ZNF385A: variants seen among roughly 807,000 people sequenced by gnomAD.
ZNF385A encodes the protein zinc finger protein 385A, also known as hematopoietic zinc finger protein.
In ZNF385A, 14 loss-of-function variants were observed where a neutral mutation model predicts 32.1. That is an observed-to-expected ratio of 0.44 (90% CI 0.29 to 0.68). The LOEUF (loss-of-function observed/expected upper bound fraction) is 0.68. Among genes scored for constraint, ZNF385A ranks in the 30% least tolerant of loss-of-function variants. The pLI is 0.14. For synonymous variants in ZNF385A, 197 were observed against 202.7 expected (o/e 0.97, Z 0.24); for missense variants, 406 against 478.4 (o/e 0.85, Z 1.41).
intron 2 of ZNF385A, among the ~76,000 whole-genome samples, 189 bp downstream of exon 2, chr12:54,375,655 G>A (rs1327998749): frequency 6.6e-6 from 1 of 152,166 alleles, no homozygotes; most frequent in Non-Finnish European, 1.5e-5. Context: ...AACTTCTTGT[G>A]TCTCTCCAGT....
chr12:54,387,361 A>T (rs528856532), upstream of ZNF385A, among the ~76,000 whole-genome samples: 1 of 152,252 alleles, frequency 6.6e-6, no homozygotes, highest in East Asian at 1.9e-4. Flanking sequence ...ACTGGAGACA[A>T]ACTATCTACT....
chr12:54,379,026 CCG>C (rs1272281810), intron 1 of ZNF385A: 2 of 982,260 alleles, frequency 2.0e-6, no homozygotes, highest in African/African-American at 3.5e-5. Flanking sequence ...GCTGCGGCAG[CCG>C]CGGGAGTCAG....
chr12:54,384,791 T>G, upstream of ZNF385A: 2 of 1,232,274 alleles, frequency 1.6e-6, no homozygotes, highest in Non-Finnish European at 2.0e-6. Flanking sequence ...TGGTTTTCAC[T>G]TCCCCCTTTT....
chr12:54,376,666 T>C (rs1294346280), intron 1 of ZNF385A, among the ~76,000 whole-genome samples: 3 of 152,196 alleles, frequency 2.0e-5, no homozygotes, highest in Non-Finnish European at 4.4e-5. Flanking sequence ...TCAGGGTTTC[T>C]AGGGCAGAGC....
rs775968975 is a variant in ZNF385A, at chr12:54,371,630, A to G, written c.447T>C (p.Thr149=). 8 of 1,611,616 alleles carry G rather than the reference A, an allele frequency of 5.0e-6. No individual in the cohort carries two copies. Among genetic ancestry groups the G allele is most frequent in the Non-Finnish European group, 5.9e-6 (7 of 1,179,222 alleles). The change falls in exon 4 of 7, where the codon ACT becomes ACC. Residue 149 remains threonine (T), a synonymous_variant. Transcript: ENST00000394313. ...CTTCACCCTTGGTTACACCCTGACC[A>G]GTCTCCGGAATGCTGGGAGGGGATG... The part of the protein sequence containing the change: ...GSPSPPSIPE[T]GQGVTKGEGG...
intron 1 of ZNF385A, chr12:54,391,156 AG>A: frequency 1.4e-6 from 2 of 1,410,382 alleles, no homozygotes; most frequent in Middle Eastern, 2.3e-4. Context: ...CGGTGCCGGG[AG>A]ATGGTGGAGG....
intron 2 of ZNF385A, among the ~76,000 whole-genome samples, chr12:54,374,928 T>C (rs1413871698): frequency 1.3e-5 from 2 of 152,020 alleles, no homozygotes; most frequent in African/African-American, 4.8e-5. Flanking sequence ...CACTCCCATG[T>C]ATACCCCTGC....
intron 1 of ZNF385A, among the ~76,000 whole-genome samples, chr12:54,377,975 G>A (rs1032349003): frequency 6.6e-6 from 1 of 152,194 alleles, no homozygotes; most frequent in Non-Finnish European, 1.5e-5. Flanking sequence ...ATGACTTGTG[G>A]ACTGGCCACC....
Position 54,370,844 on chromosome 12 carries a change from G to C in ZNF385A, c.774+83C>G. On this transcript the variant is annotated intron_variant, in intron 5 of 6. Transcript: ENST00000394313. The surrounding 1 kb of genome is among the most constrained non-coding windows in gnomAD (Gnocchi z 5.5). ...CCCCCTGGGGAAAACTCTGAAGAAGGGCCTTTACTCAAGCTCCTTGCTCCC... is the reference window on the plus strand; with the variant it reads ...CCCCCTGGGGAAAACTCTGAAGAAGCGCCTTTACTCAAGCTCCTTGCTCCC... 1 of 1,606,754 alleles carries C rather than the reference G, an allele frequency of 6.2e-7. No homozygotes were observed. The highest frequency in any genetic ancestry group is 8.5e-7 in the Non-Finnish European group (1 of 1,175,900).
At position 54,371,632 on chromosome 12, in the gene ZNF385A, T is replaced by TTACACC; in HGVS notation, c.444_445insGGTGTA (p.Glu148_Thr149insGlyVal). The TTACACC allele has an allele frequency of 6.2e-7, 1 of 1,611,566 alleles. No individual in the cohort carries two copies. Reference sequence around the variant, plus strand: ...TCACCCTTGGTTACACCCTGACCAGTCTCCGGAATGCTGGGAGGGGATGGG... The same window carrying TTACACC: ...TCACCCTTGGTTACACCCTGACCAGTTACACCCTCCGGAATGCTGGGAGGGGATGGG... On this transcript the variant is annotated inframe_insertion, in exon 4 of 7. Coordinates refer to ENST00000394313, the MANE Select transcript of ZNF385A (RefSeq NM_015481.3).
upstream of ZNF385A, chr12:54,385,660 C>A: frequency 1.0e-6 from 1 of 985,544 alleles, no homozygotes; most frequent in Non-Finnish European, 1.2e-6. Context: ...CCAGACACCA[C>A]CCCCTTTCAT....
At chr12:54,377,257 T>C (rs74089975) in intron 1 of ZNF385A, among the ~76,000 whole-genome samples, 21,835 of 152,180 alleles carry the variant, frequency 0.14, 2,095 homozygotes, top group East Asian at 0.4. Context: ...CACTCTCCAT[T>C]TGGGTAGTGC....
chr12:54,384,753 G>T (rs1955381352), upstream of ZNF385A: 65 of 1,299,094 alleles, frequency 5.0e-5, no homozygotes, highest in Non-Finnish European at 6.3e-5. Context: ...GCCTGGGGGA[G>T]GGTGTAGACC....
chr12:54,375,836 C>CT lies in ZNF385A; in HGVS notation c.198+7dup. The CT allele has an allele frequency of 6.2e-7, 1 of 1,613,828 alleles. No individual in the cohort carries two copies. Among genetic ancestry groups the CT allele is most frequent in the Non-Finnish European group, 8.5e-7 (1 of 1,179,730 alleles). On this transcript the variant is annotated splice_region_variant and intron_variant, in intron 2 of 6. Transcript: ENST00000394313. ...CCCACTGGGTAGATGAGCAGCTTGG[C>CT]TTCTTACCTGAGAATTGAAGCGGAT...
upstream of ZNF385A, among the ~76,000 whole-genome samples, chr12:54,387,276 C>T (rs528190425): frequency 2.0e-5 from 3 of 151,812 alleles, no homozygotes; most frequent in East Asian, 1.9e-4. Context: ...CCTGGGTGAG[C>T]GGGGGAGGGG....
intron 1 of ZNF385A, chr12:54,379,081 G>C (rs1465944988): frequency 1.0e-6 from 1 of 983,600 alleles, no homozygotes; most frequent in East Asian, 1.1e-4. Flanking sequence ...GAGACCCTGG[G>C]GGCCGCGGCT....
At chr12:54,390,836 A>T (rs1955620031) in intron 1 of ZNF385A, among the ~76,000 whole-genome samples, 2 of 151,528 alleles carry the variant, frequency 1.3e-5, no homozygotes, top group East Asian at 3.9e-4. Flanking sequence ...ATCTAAGCTA[A>T]GGGTGGGGGA....
At chr12:54,372,449 T>C (rs1296403769) in intron 3 of ZNF385A, among the ~76,000 whole-genome samples, 1 of 152,176 alleles carries the variant, frequency 6.6e-6, no homozygotes, top group Non-Finnish European at 1.5e-5. Context: ...TCCTATGTCC[T>C]TCCCCTTATT....
In ZNF385A at chr12:54,369,925, T is replaced by G; in HGVS notation, c.*331A>C. 65 of 217,936 alleles carry G rather than the reference T, an allele frequency of 3.0e-4. No individual in the cohort carries two copies. The highest frequency in any genetic ancestry group is 1.4e-3 in the Middle Eastern group (1 of 702). The allele number at this position is 217,936 out of a possible 1,614,324, so 13.5% of individuals were successfully genotyped here. ...CCCGACCATGGCTTGTGAACCCCGT[T>G]TTGTGCTAGGTTTGGGGGGAAGGGC... On this transcript the variant is annotated 3_prime_UTR_variant, in exon 7 of 7. Coordinates refer to ENST00000394313, the MANE Select transcript of ZNF385A (RefSeq NM_015481.3).
Sources: gnomAD v4.1 joint callset for allele counts (sites outside exome capture counted in the v4.1 genomes callset) on GRCh38, gnomAD v4.1.1 for gene constraint, Gnocchi (gnomAD v3.1) non-coding constraint, MANE v1.5 for transcripts, NCBI Gene and HGNC (gene_info 2026-07-23, HGNC 2026-07-21) for gene names.